The following EDIL3 variants were observed in gnomAD, a reference collection of about 807,000 sequenced individuals.
EDIL3 encodes the protein EGF-like repeat and discoidin I-like domain-containing protein 3.
EDIL3 carries 37 observed loss-of-function variants against 67.4 expected under a neutral mutation model. The observed-to-expected ratio is 0.55, with a 90% confidence interval of 0.42 to 0.72. The LOEUF (loss-of-function observed/expected upper bound fraction) is 0.72, where lower values mean the gene tolerates loss of function less well. Ranked by LOEUF, EDIL3 falls within the 30% of genes least tolerant of loss-of-function variation. The probability of loss-of-function intolerance (pLI) is 0.00; values close to 1 mark genes in which losing one functional copy is unlikely to be tolerated. For missense variants in EDIL3, 527 were observed against 586.3 expected (o/e 0.90, Z 1.04); for synonymous variants, 195 against 196.3 (o/e 0.99, Z 0.05).
intron 5 of EDIL3, among the ~76,000 whole-genome samples, chr5:84,115,579 A>G (rs2112292714): frequency 6.6e-6 from 1 of 152,350 alleles, no homozygotes; most frequent in African/African-American, 2.4e-5. Flanking sequence ...TAAGACGATT[A>G]TCCTCTTATC....
intron 3 of EDIL3, among the ~76,000 whole-genome samples, chr5:84,184,391 G>A (rs1046638399): frequency 2.9e-4 from 44 of 152,300 alleles, no homozygotes; most frequent in African/African-American, 9.9e-4. Flanking sequence ...TAGTCTTCAA[G>A]GAGAGACAGA....
intron 3 of EDIL3, among the ~76,000 whole-genome samples, chr5:84,207,828 A>G (rs1163507497): frequency 6.6e-6 from 1 of 151,304 alleles, no homozygotes; most frequent in African/African-American, 2.4e-5. Flanking sequence ...TGGTGCTGGG[A>G]AAACTGGCTA....
intron 9 of EDIL3, among the ~76,000 whole-genome samples, chr5:84,055,461 A>T (rs1326533485): frequency 6.7e-6 from 1 of 148,274 alleles, no homozygotes; most frequent in African/African-American, 2.6e-5. Context: ...GACAAATGGG[A>T]TCTAATTAAA....
intron 3 of EDIL3, among the ~76,000 whole-genome samples, chr5:84,219,159 G>C (rs1744290558): frequency 6.6e-6 from 1 of 152,180 alleles, no homozygotes; most frequent in Non-Finnish European, 1.5e-5. Flanking sequence ...TCAGAGCAGA[G>C]AGAGAGAGAC....
At chr5:84,184,995 A>G (rs1407155548) in intron 3 of EDIL3, among the ~76,000 whole-genome samples, 1 of 152,198 alleles carries the variant, frequency 6.6e-6, no homozygotes, top group African/African-American at 2.4e-5. Flanking sequence ...GCCAAAGATT[A>G]AACCTTTCTA....
At chr5:84,027,086 C>T (rs570756246) in intron 9 of EDIL3, among the ~76,000 whole-genome samples, 1 of 152,030 alleles carries the variant, frequency 6.6e-6, no homozygotes. Context: ...TGGGCTGAGA[C>T]CCTGTCTCAA....
intron 5 of EDIL3, 106 bp from the exon 6 acceptor site, chr5:84,106,936 C>T: frequency 8.1e-7 from 1 of 1,235,478 alleles, no homozygotes; most frequent in Non-Finnish European, 1.1e-6. Context: ...GAATTTGCAC[C>T]ACCATGCTAT....
At chr5:84,078,220 T>C (rs1012099026) in intron 6 of EDIL3, among the ~76,000 whole-genome samples, 3 of 152,124 alleles carry the variant, frequency 2.0e-5, no homozygotes, top group Non-Finnish European at 4.4e-5. Context: ...ATAACTTTTA[T>C]GTTAGCAAAG....
chr5:84,192,965 T>C (rs556874406), intron 3 of EDIL3, among the ~76,000 whole-genome samples: 13 of 151,798 alleles, frequency 8.6e-5, no homozygotes. Context: ...AGTATTTCAT[T>C]TGTAGGATGT....
intron 9 of EDIL3, among the ~76,000 whole-genome samples, chr5:84,054,465 C>T (rs986462639): frequency 6.6e-6 from 1 of 152,126 alleles, no homozygotes; most frequent in Non-Finnish European, 1.5e-5. Context: ...CCAGGGCAAT[C>T]AGGCAGGAGA....
chr5:84,260,345 G>A (rs1007529400), intron 1 of EDIL3, among the ~76,000 whole-genome samples: 1 of 152,158 alleles, frequency 6.6e-6, no homozygotes, highest in Non-Finnish European at 1.5e-5. Flanking sequence ...ACAGGAAGTG[G>A]TCAGCCCTCA....
chr5:84,183,172 G>A (rs1018005292), intron 3 of EDIL3, among the ~76,000 whole-genome samples: 20 of 151,936 alleles, frequency 1.3e-4, no homozygotes, highest in South Asian at 6.3e-4. Context: ...TTAGGTCTTC[G>A]TCATTATCAT....
At chr5:84,038,404 T>G (rs1343684835) in intron 9 of EDIL3, among the ~76,000 whole-genome samples, 1 of 152,182 alleles carries the variant, frequency 6.6e-6, no homozygotes, top group Non-Finnish European at 1.5e-5. Context: ...TAAAGGAATA[T>G]GTCCTACCTC....
chr5:84,077,015 A>C (rs1004911047), intron 6 of EDIL3, among the ~76,000 whole-genome samples: 1 of 152,248 alleles, frequency 6.6e-6, no homozygotes, highest in East Asian at 1.9e-4. Flanking sequence ...AAAAGGATTG[A>C]CATTTAATAA....
chr5:84,182,992 C>T (rs1420404280), intron 3 of EDIL3, among the ~76,000 whole-genome samples: 2 of 152,094 alleles, frequency 1.3e-5, no homozygotes, highest in Non-Finnish European at 2.9e-5. Context: ...ACAATTTGAA[C>T]CATTTTCTTT....
intron 3 of EDIL3, among the ~76,000 whole-genome samples, chr5:84,214,939 G>A (rs945048499): frequency 2.0e-5 from 3 of 152,012 alleles, no homozygotes; most frequent in Non-Finnish European, 2.9e-5. Flanking sequence ...GGGTGGTCTC[G>A]AACTTCTTGA....
intron 2 of EDIL3, among the ~76,000 whole-genome samples, chr5:84,242,883 A>G (rs10942346): frequency 0.8 from 121,643 of 151,266 alleles, 49,240 homozygotes; most frequent in East Asian, 0.95. Flanking sequence ...TGTAACAGGC[A>G]CAGCTTAATT....
chr5:84,095,341 A>G (rs1468193121), intron 6 of EDIL3, among the ~76,000 whole-genome samples: 1 of 152,170 alleles, frequency 6.6e-6, no homozygotes, highest in Non-Finnish European at 1.5e-5. Context: ...AACAGTTTGG[A>G]GGGCTCAGAA....
At chr5:84,134,213 A>C (rs1334646451) in intron 5 of EDIL3, among the ~76,000 whole-genome samples, 1 of 152,216 alleles carries the variant, frequency 6.6e-6, no homozygotes, top group East Asian at 1.9e-4. Context: ...TATCAAGGTA[A>C]TATCTCAACA....
Sources: allele counts gnomAD v4.1 joint callset (sites outside exome capture counted in the v4.1 genomes callset), GRCh38; gene constraint gnomAD v4.1.1; transcripts MANE v1.5; gene names NCBI Gene and HGNC (gene_info 2026-07-23, HGNC 2026-07-21).